The following BCAR3 variants were observed in gnomAD, a reference collection of about 807,000 sequenced individuals.
BCAR3 encodes breast cancer anti-estrogen resistance protein 3.
A neutral mutation model predicts 80.1 loss-of-function variants in BCAR3; 37 were observed. The observed-to-expected ratio is 0.46, with a 90% CI of 0.36 to 0.61. BCAR3 has a LOEUF of 0.61. BCAR3 is among the 20% of genes least tolerant of loss of function. BCAR3 has a pLI of 0.00. For synonymous variants in BCAR3, 389 were observed against 418.9 expected (o/e 0.93, Z 0.87); for missense variants, 978 against 1,068.2 (o/e 0.92, Z 1.18).
intron 11 of BCAR3, among the ~76,000 whole-genome samples, chr1:93,566,206 C>T (rs946426247): frequency 6.6e-6 from 1 of 152,064 alleles, no homozygotes; most frequent in Non-Finnish European, 1.5e-5. Flanking sequence ...TTGTGGATCC[C>T]AGTTTTCCCC....
chr1:93,754,474 C>T (rs1400357581), intron 2 of BCAR3: 1 of 152,178 alleles, frequency 6.6e-6, no homozygotes, highest in Non-Finnish European at 1.5e-5. Context: ...TGGTTTGACC[C>T]ACAAAACATA....
intron 2 of BCAR3, among the ~76,000 whole-genome samples, chr1:93,811,553 T>G (rs952381200): frequency 1.3e-5 from 2 of 152,226 alleles, no homozygotes; most frequent in Non-Finnish European, 2.9e-5. Context: ...CTCTATTATG[T>G]AAAATAATCC....
At chr1:93,641,652 C>G (rs1489938912) in intron 3 of BCAR3, among the ~76,000 whole-genome samples, 1 of 152,208 alleles carries the variant, frequency 6.6e-6, no homozygotes, top group Non-Finnish European at 1.5e-5. Context: ...GCATTGACCG[C>G]CAGTCCGGCT....
At chr1:93,817,817 T>C (rs897819090) in intron 2 of BCAR3, among the ~76,000 whole-genome samples, 4 of 152,222 alleles carry the variant, frequency 2.6e-5, no homozygotes, top group Non-Finnish European at 5.9e-5. Context: ...CCCAGCATCT[T>C]TGCAGTATTT....
chr1:93,577,694 G>A (rs568316221), intron 7 of BCAR3, among the ~76,000 whole-genome samples: 37 of 152,318 alleles, frequency 2.4e-4, no homozygotes, highest in Non-Finnish European at 4.4e-4. Flanking sequence ...CAGCCCAGAC[G>A]CACGCCATGC....
At chr1:93,567,607 C>CT in intron 10 of BCAR3, 116 bp from the exon 11 acceptor site, 1 of 1,403,310 alleles carries the variant, frequency 7.1e-7, no homozygotes, top group Non-Finnish European at 9.8e-7. Flanking sequence ...ACAAGCAACG[C>CT]TGTCATCTGA....
At chr1:93,774,517 A>G (rs1481419017) in intron 2 of BCAR3, among the ~76,000 whole-genome samples, 1 of 151,434 alleles carries the variant, frequency 6.6e-6, no homozygotes, top group African/African-American at 2.4e-5. Context: ...AAACCAAACT[A>G]TGTACATTTT....
At chr1:93,723,098 C>T (rs2100672700) in intron 2 of BCAR3, among the ~76,000 whole-genome samples, 1 of 152,252 alleles carries the variant, frequency 6.6e-6, no homozygotes, top group Non-Finnish European at 1.5e-5. Context: ...GAGGCAGTCC[C>T]AGAGGTGTAG....
intron 2 of BCAR3, among the ~76,000 whole-genome samples, chr1:93,728,451 A>T (rs1158044097): frequency 6.6e-6 from 1 of 152,120 alleles, no homozygotes; most frequent in Admixed American, 6.5e-5. Flanking sequence ...TAGACCCTCT[A>T]CCCTGTTGCA....
chr1:93,600,869 A>G (rs1570956257), intron 3 of BCAR3: 1 of 152,134 alleles, frequency 6.6e-6, no homozygotes, highest in Non-Finnish European at 1.5e-5. Context: ...TGCCTTATTT[A>G]CCTTTGGCTC....
chr1:93,731,218 G>C (rs1037303540), intron 2 of BCAR3, among the ~76,000 whole-genome samples: 1 of 152,200 alleles, frequency 6.6e-6, no homozygotes, highest in South Asian at 2.1e-4. Flanking sequence ...TGGGATTCTG[G>C]AACAGTAAAG....
At chr1:93,846,089 T>C (rs1414281834) in intron 1 of BCAR3, among the ~76,000 whole-genome samples, 1 of 152,154 alleles carries the variant, frequency 6.6e-6, no homozygotes, top group African/African-American at 2.4e-5. Context: ...TTCCCTTCTT[T>C]ATATTATAAA....
chr1:93,596,551 T>C (rs554794068), intron 3 of BCAR3, among the ~76,000 whole-genome samples: 30 of 152,254 alleles, frequency 2.0e-4, no homozygotes, highest in African/African-American at 5.1e-4. Context: ...AAAGTTGACA[T>C]TGAGTGTGAA....
chr1:93,622,470 C>G (rs1433035016), intron 3 of BCAR3, among the ~76,000 whole-genome samples: 7 of 152,154 alleles, frequency 4.6e-5, no homozygotes, highest in Non-Finnish European at 1.0e-4. Context: ...GCAACACAGG[C>G]AGCAGATCTC....
chr1:93,625,047 A>C (rs1420156053), intron 3 of BCAR3, among the ~76,000 whole-genome samples: 4 of 152,154 alleles, frequency 2.6e-5, no homozygotes, highest in Non-Finnish European at 5.9e-5. Context: ...CACCTCTACT[A>C]AAAATACAAA....
intron 2 of BCAR3, among the ~76,000 whole-genome samples, chr1:93,740,610 C>G (rs1211634428): frequency 6.6e-6 from 1 of 152,110 alleles, no homozygotes; most frequent in African/African-American, 2.4e-5. Flanking sequence ...CTTAGTACTC[C>G]CCTCACCCCA....
chr1:93,572,080 G>A (rs749300920), intron 8 of BCAR3, among the ~76,000 whole-genome samples: 12 of 152,184 alleles, frequency 7.9e-5, no homozygotes, highest in Non-Finnish European at 1.2e-4. Flanking sequence ...AGATGTCCCC[G>A]GACAGGGCCA....
In BCAR3 at chr1:93,845,502, A is replaced by ATATATATGTCATGTTGTCAAG; in HGVS notation, c.-63+64_-63+65insCTTGACAACATGACATATATA. ...TATATATATATATATATATATATATAAAACTTTGTTTACATTAGAGTATAA... is the reference window on the plus strand; with the variant it reads ...TATATATATATATATATATATATATATATATATGTCATGTTGTCAAGAAACTTTGTTTACATTAGAGTATAA... On this transcript the variant is annotated intron_variant, in intron 2 of 13. Coordinates refer to the BCAR3 transcript ENST00000370244. 4.4e-5 allele frequency: 5 copies of ATATATATGTCATGTTGTCAAG among 113,822 alleles called. 1 individual carries two copies. The highest frequency in any genetic ancestry group is 1.8e-4 in the African/African-American group (5 of 28,374). 7.1% of individuals were successfully genotyped at this position (113,822 alleles called of 1,614,324 possible).
rs548522538 is a variant in BCAR3 at position 93,666,568 on chromosome 1, T to C, written c.317+8046A>G. Reference sequence around the variant, plus strand: ...TCCCTAAGGACAGGGGATACATCTATTTCGTGCTTCACTAGGTACCTGGCA... The same window carrying C: ...TCCCTAAGGACAGGGGATACATCTACTTCGTGCTTCACTAGGTACCTGGCA... On this transcript the variant is annotated intron_variant, in intron 2 of 11. Transcript: ENST00000260502. Among the ~76,000 whole-genome samples the C allele has an allele frequency of 8.5e-4, 130 of 152,310 alleles. 1 individual carries two copies. Among genetic ancestry groups the C allele is most frequent in the African/African-American group, 2.9e-3 (121 of 41,570 alleles).
Sources: allele counts gnomAD v4.1 joint callset (sites outside exome capture counted in the v4.1 genomes callset), GRCh38; gene constraint gnomAD v4.1.1; transcripts MANE v1.5; gene names NCBI Gene and HGNC (gene_info 2026-07-23, HGNC 2026-07-21).